The following CALHM4 variants were observed in gnomAD, a reference collection of about 807,000 sequenced individuals.
CALHM4 encodes the protein calcium homeostasis modulator protein 4.
CALHM4 carries 16 observed loss-of-function variants against 13.3 expected under a neutral mutation model. The ratio of observed to expected loss-of-function variants is 1.20; its 90% CI spans 0.81 to 1.82. The LOEUF (loss-of-function observed/expected upper bound fraction) is 1.82, where lower values mean the gene tolerates loss of function less well. CALHM4 is among the 40% of genes most tolerant of loss of function. The probability of loss-of-function intolerance (pLI) is 0.00; values close to 1 mark genes in which losing one functional copy is unlikely to be tolerated. For missense variants in CALHM4, 344 were observed against 374.9 expected (o/e 0.92, Z 0.68); for synonymous variants, 127 against 137.1 (o/e 0.93, Z 0.52).
At chr6:116,530,611 C>G (rs1583279575) in intron 1 of CALHM4, among the ~76,000 whole-genome samples, 1 of 152,268 alleles carries the variant, frequency 6.6e-6, no homozygotes, top group Non-Finnish European at 1.5e-5. Context: ...ATGTCTGCCC[C>G]ACTCTTGCTA....
At position 116,536,567 on chromosome 6, in the gene CALHM4, G is replaced by T. The variant is rs1773106883; in HGVS notation, c.-108-7198G>T. On this transcript the variant is annotated intron_variant, in intron 1 of 2. Coordinates refer to the CALHM4 transcript ENST00000368597. ...CTCAGAGGGAGGGATCACTTCTCCTGTCTGGGCATAGGTTTCTTCATCTAG... is the reference window on the plus strand; with the variant it reads ...CTCAGAGGGAGGGATCACTTCTCCTTTCTGGGCATAGGTTTCTTCATCTAG... Among the ~76,000 whole-genome samples the T allele has an allele frequency of 2.0e-5, 3 of 152,198 alleles. No homozygotes were observed. The South Asian group carries it at 6.2e-4, about 31-fold the overall frequency.
intron 1 of CALHM4, among the ~76,000 whole-genome samples, chr6:116,540,146 T>C (rs1420574305): frequency 6.6e-6 from 1 of 152,188 alleles, no homozygotes; most frequent in Non-Finnish European, 1.5e-5. Flanking sequence ...TACACACTCC[T>C]GTAGTCAGGA....
chr6:116,533,043 T>C (rs1424184421), intron 1 of CALHM4, among the ~76,000 whole-genome samples: 1 of 152,240 alleles, frequency 6.6e-6, no homozygotes, highest in Non-Finnish European at 1.5e-5. Flanking sequence ...AGCCCCCAGC[T>C]ACATCTTTCA....
intron 1 of CALHM4, among the ~76,000 whole-genome samples, chr6:116,530,145 A>G (rs966697522): frequency 2.6e-5 from 4 of 152,166 alleles, no homozygotes; most frequent in Admixed American, 1.3e-4. Context: ...TATTTAGAAA[A>G]TGAAGGAAGC....
intron 1 of CALHM4, among the ~76,000 whole-genome samples, chr6:116,540,700 A>C: frequency 6.6e-6 from 1 of 152,122 alleles, no homozygotes; most frequent in East Asian, 1.9e-4. Flanking sequence ...GAGTCTGCCT[A>C]GAATCAAGAC....
At chr6:116,553,584 C>T (rs932494916), upstream of CALHM4, among the ~76,000 whole-genome samples, 26 of 152,244 alleles carry the variant, frequency 1.7e-4, no homozygotes, top group African/African-American at 6.3e-4. Flanking sequence ...CCTAAAGGAG[C>T]TCTCCCTCAA....
At chr6:116,546,085 G>A (rs1773764158) in intron 2 of CALHM4, among the ~76,000 whole-genome samples, 1 of 152,182 alleles carries the variant, frequency 6.6e-6, no homozygotes, top group Non-Finnish European at 1.5e-5. Context: ...TCCCTATCTT[G>A]TGTGATTACA....
intron 1 of CALHM4, among the ~76,000 whole-genome samples, chr6:116,541,315 G>A (rs577501650): frequency 6.6e-6 from 1 of 152,264 alleles, no homozygotes; most frequent in Non-Finnish European, 1.5e-5. Flanking sequence ...GACCTTCAAG[G>A]TGGAAATCAA....
At chr6:116,538,127 T>C (rs1773209029) in intron 1 of CALHM4, among the ~76,000 whole-genome samples, 1 of 152,236 alleles carries the variant, frequency 6.6e-6, no homozygotes, top group Admixed American at 6.5e-5. Context: ...TGTTCCCTTA[T>C]GTTCTTCTGA....
chr6:116,554,649 T>C (rs1392897088), intron 1 of CALHM4, among the ~76,000 whole-genome samples: 2 of 152,194 alleles, frequency 1.3e-5, no homozygotes, highest in Non-Finnish European at 2.9e-5. Context: ...ACATTACCAA[T>C]ATATCTGGAG....
intron 1 of CALHM4, among the ~76,000 whole-genome samples, chr6:116,541,807 T>A (rs187784085): frequency 1.4e-4 from 22 of 152,086 alleles, no homozygotes; most frequent in Admixed American, 5.9e-4. Context: ...CAAAACGTTA[T>A]GAGCTGTGCT....
chr6:116,542,624 CA>C (rs1280013110), intron 1 of CALHM4, among the ~76,000 whole-genome samples: 1 of 152,034 alleles, frequency 6.6e-6, no homozygotes, highest in Admixed American at 6.6e-5. Flanking sequence ...ATCTGATGAT[CA>C]CATAGTTACT....
chr6:116,552,486 A>G (rs989224614), upstream of CALHM4, among the ~76,000 whole-genome samples: 1 of 152,090 alleles, frequency 6.6e-6, no homozygotes, highest in Non-Finnish European at 1.5e-5. Context: ...AACTCCTACT[A>G]GACAGATTGT....
At chr6:116,543,686 T>C (rs1431521751) in intron 1 of CALHM4, 3 of 797,932 alleles carry the variant, frequency 3.8e-6, no homozygotes, top group African/African-American at 3.5e-5. Flanking sequence ...TGTATTTTCA[T>C]GGAGGACAGT....
At chr6:116,539,420 C>A (rs946536174) in intron 1 of CALHM4, among the ~76,000 whole-genome samples, 3 of 151,996 alleles carry the variant, frequency 2.0e-5, no homozygotes, top group Non-Finnish European at 4.4e-5. Flanking sequence ...ATGGAAAAAT[C>A]TTTCATTTGG....
At chr6:116,553,307 G>A (rs1249625402), upstream of CALHM4, among the ~76,000 whole-genome samples, 3 of 152,122 alleles carry the variant, frequency 2.0e-5, no homozygotes, top group Non-Finnish European at 4.4e-5. Context: ...GAACCCTTAG[G>A]AACATTCCAG....
intron 2 of CALHM4, among the ~76,000 whole-genome samples, chr6:116,547,734 G>A (rs1446170865): frequency 6.6e-6 from 1 of 152,182 alleles, no homozygotes; most frequent in East Asian, 1.9e-4. Context: ...TGTCTGCCCT[G>A]GCAGCCAACT....
rs1774543077 is a variant in CALHM4 at position 116,560,635 on chromosome 6, G to T, written c.*2424G>T. Among the ~76,000 whole-genome samples, 1 of 90,926 alleles carries T rather than the reference G, an allele frequency of 1.1e-5. No individual in the cohort carries two copies. The highest frequency in any genetic ancestry group is 2.1e-5 in the Non-Finnish European group (1 of 48,264). The allele number at this position is 90,926 out of a possible 152,430, so 59.7% of individuals were successfully genotyped here. ...TTATCTATCTCAGATCAAATAAATG[G>T]AATTTTTAGTATTTTGGGGGGGGGG... On this transcript the variant is annotated 3_prime_UTR_variant, in exon 2 of 2. Coordinates refer to ENST00000368596, the MANE Select transcript of CALHM4 (RefSeq NM_001366078.2).
In CALHM4 at chr6:116,556,946, T is replaced by G. The variant is rs575417307; in HGVS notation, c.559-879T>G. Among the ~76,000 whole-genome samples, 1,232 of 148,266 alleles carry G rather than the reference T, an allele frequency of 8.3e-3. 7 individuals are homozygous for G. The highest frequency in any genetic ancestry group is 0.013 in the Non-Finnish European group (863 of 66,750). Reference sequence around the variant, plus strand: ...TATTCATTTATTTTTAATCTTTTTTTTTTTTTTTTTTTGAGATGGAGTCTC... The same window carrying G: ...TATTCATTTATTTTTAATCTTTTTTGTTTTTTTTTTTTGAGATGGAGTCTC... On this transcript the variant is annotated intron_variant, in intron 1 of 1. Transcript: ENST00000368596.
Sources: gnomAD v4.1 joint callset for allele counts (sites outside exome capture counted in the v4.1 genomes callset) on GRCh38, gnomAD v4.1.1 for gene constraint, MANE v1.5 for transcripts, NCBI Gene and HGNC (gene_info 2026-07-23, HGNC 2026-07-21) for gene names.